Variants in SH3RF3 observed in about 807,000 individuals in gnomAD.
SH3RF3 encodes SH3 domain containing ring finger 3, also known as E3 ubiquitin-protein ligase SH3RF3.
A neutral mutation model predicts 66.3 loss-of-function variants in SH3RF3; 29 were observed. The observed-to-expected ratio is 0.44, with a 90% CI of 0.33 to 0.60. The LOEUF is 0.60. SH3RF3 is among the 20% of genes least tolerant of loss of function. The probability of loss-of-function intolerance (pLI) is 0.04; values close to 1 mark genes in which losing one functional copy is unlikely to be tolerated. For synonymous variants in SH3RF3, 583 were observed against 532.0 expected (o/e 1.10, Z -1.32); for missense variants, 1,194 against 1,190.9 (o/e 1.00, Z -0.04).
chr2:109,503,574 T>A lies in SH3RF3; in HGVS notation c.*1903T>A, dbSNP rs1679451614. 1 of 152,202 alleles carries A rather than the reference T, an allele frequency of 6.6e-6. No homozygotes were observed. Among genetic ancestry groups the A allele is most frequent in the African/African-American group, 2.4e-5 (1 of 41,446 alleles). 9.4% of individuals were successfully genotyped at this position (152,202 alleles called of 1,614,324 possible). ...ACAACCAAAAGCTCTCTATTTACCA[T>A]TATTGCCAAACTTCATCAGTTGCCC... On this transcript the variant is annotated 3_prime_UTR_variant, in exon 10 of 10. Transcript: ENST00000309415.
At chr2:109,152,971 A>G (rs72822644) in intron 1 of SH3RF3, among the ~76,000 whole-genome samples, 2 of 152,302 alleles carry the variant, frequency 1.3e-5, no homozygotes, top group African/African-American at 2.4e-5. Context: ...GTGTGAAGTC[A>G]TTGTTGTTAT....
At chr2:109,372,590 A>G (rs1683297468) in intron 3 of SH3RF3, among the ~76,000 whole-genome samples, 1 of 152,246 alleles carries the variant, frequency 6.6e-6, no homozygotes, top group African/African-American at 2.4e-5. Context: ...AGATGAGCAA[A>G]CAGAGGTGCA....
chr2:109,380,894 C>T (rs1675631272), intron 3 of SH3RF3, among the ~76,000 whole-genome samples: 1 of 152,244 alleles, frequency 6.6e-6, no homozygotes, highest in African/African-American at 2.4e-5. Context: ...CAGCAGGGCA[C>T]GCACTGGTCC....
At chr2:109,255,932 G>A (rs1363326762) in intron 1 of SH3RF3, among the ~76,000 whole-genome samples, 1 of 152,202 alleles carries the variant, frequency 6.6e-6, no homozygotes, top group Admixed American at 6.5e-5. Flanking sequence ...AAAGGAAGGG[G>A]AAGAGGAAGT....
At chr2:109,485,036 G>A (rs1678933246) in intron 8 of SH3RF3, among the ~76,000 whole-genome samples, 1 of 152,224 alleles carries the variant, frequency 6.6e-6, no homozygotes, top group African/African-American at 2.4e-5. Context: ...TAACCCATCA[G>A]CGTGTGCAGC....
intron 4 of SH3RF3, among the ~76,000 whole-genome samples, chr2:109,402,726 G>A (rs371668719): frequency 2.2e-4 from 34 of 152,364 alleles, no homozygotes; most frequent in African/African-American, 7.9e-4. Context: ...ATGGTGAAGT[G>A]TACAAGGCTG....
At chr2:109,470,279 AC>A (rs1466073966) in intron 8 of SH3RF3, among the ~76,000 whole-genome samples, 1 of 152,160 alleles carries the variant, frequency 6.6e-6, no homozygotes. Flanking sequence ...GACCCACAGC[AC>A]CCAGCAGCTC....
In SH3RF3 at chr2:109,490,640, C is replaced by T. The variant is rs1439187495; in HGVS notation, c.2184C>T (p.Ala728=). 10 of 1,492,906 alleles carry T rather than the reference C, an allele frequency of 6.7e-6. No individual in the cohort carries two copies. The highest frequency in any genetic ancestry group is 2.5e-5 in the East Asian group (1 of 39,856). The allele number at this position is 1,492,906 out of a possible 1,614,324, so 92.5% of individuals were successfully genotyped here. A position where few individuals can be genotyped will look rare whatever the true frequency, so the allele number is the denominator to read the frequency against. Residue 728 remains alanine (A), a synonymous_variant, in exon 9 of 10, where the codon GCC becomes GCT. Coordinates refer to ENST00000309415, the MANE Select transcript of SH3RF3 (RefSeq NM_001099289.3). ...EKKSGLLKLL[A]GASTKKKSRS... is the part of the protein sequence containing the mutation. ...AGAGTGGGCTCCTGAAGCTTCTAGC[C>T]GGAGCATCCACCAAGAAGAAGTCAC...
chr2:109,457,876 C>T (rs1678105200), intron 8 of SH3RF3, among the ~76,000 whole-genome samples: 3 of 152,178 alleles, frequency 2.0e-5, no homozygotes, highest in African/African-American at 7.2e-5. Context: ...GTCTGTCCCT[C>T]CCAGAAGGCA....
intron 8 of SH3RF3, among the ~76,000 whole-genome samples, chr2:109,479,299 G>A (rs1488652074): frequency 1.3e-5 from 2 of 152,166 alleles, no homozygotes; most frequent in African/African-American, 2.4e-5. Flanking sequence ...AGTTAGGGGA[G>A]TGCCAAAGGC....
intron 8 of SH3RF3, among the ~76,000 whole-genome samples, chr2:109,484,490 C>T (rs766143683): frequency 6.6e-6 from 1 of 152,192 alleles, no homozygotes; most frequent in Non-Finnish European, 1.5e-5. Context: ...GGCCACATCA[C>T]TCACCAGCCC....
At chr2:109,490,560 G>A (rs149031191) in intron 8 of SH3RF3, 45 bp from the exon 9 acceptor site, 13,664 of 1,362,718 alleles carry the variant, frequency 0.01, 88 homozygotes, top group Non-Finnish European at 0.012. Flanking sequence ...CAAGGGCATT[G>A]GGAAGCATTC....
rs1574471458 is a variant in SH3RF3 at position 109,142,569 on chromosome 2, T to C, written c.573+12456T>C. Among the ~76,000 whole-genome samples, 3 of 152,250 alleles carry C rather than the reference T, an allele frequency of 2.0e-5. No homozygotes were observed. In the East Asian group the frequency reaches 5.8e-4, roughly 30 times the overall value. ...GGGGCACTCTGCTCTCCCCAGTGGCTGAGGGAGGAGGATTCTAGTCCTGTC... is the reference window on the plus strand; with the variant it reads ...GGGGCACTCTGCTCTCCCCAGTGGCCGAGGGAGGAGGATTCTAGTCCTGTC... On this transcript the variant is annotated intron_variant, in intron 1 of 9. Transcript: ENST00000309415.
chr2:109,496,570 C>T (rs1016110268), intron 9 of SH3RF3, among the ~76,000 whole-genome samples: 1 of 152,362 alleles, frequency 6.6e-6, no homozygotes, highest in Admixed American at 6.5e-5. Flanking sequence ...GCCTGGCCGA[C>T]TCCTGCCCCT....
chr2:109,370,400 C>T (rs548993945), intron 2 of SH3RF3, among the ~76,000 whole-genome samples: 92 of 152,074 alleles, frequency 6.0e-4, no homozygotes, highest in African/African-American at 2.1e-3. Context: ...CCACCATGCC[C>T]GGCTTATTTT....
intron 8 of SH3RF3, among the ~76,000 whole-genome samples, chr2:109,450,930 A>G (rs1448888142): frequency 6.6e-6 from 1 of 152,248 alleles, no homozygotes; most frequent in Non-Finnish European, 1.5e-5. Context: ...TGTTCCAGGC[A>G]AGGACAGCCT....
intron 1 of SH3RF3, among the ~76,000 whole-genome samples, chr2:109,227,516 G>T (rs1464820163): frequency 1.3e-5 from 2 of 152,198 alleles, no homozygotes. Flanking sequence ...TGGGTGCTTT[G>T]TGTGGGCTCC....
chr2:109,314,856 G>C (rs896118737), intron 1 of SH3RF3, among the ~76,000 whole-genome samples: 13 of 152,194 alleles, frequency 8.5e-5, no homozygotes, highest in Non-Finnish European at 1.5e-4. Flanking sequence ...CAAAATATTA[G>C]AGGAGACCCT....
chr2:109,190,969 AATAG>A (rs1417486549), intron 1 of SH3RF3, among the ~76,000 whole-genome samples: 1 of 151,384 alleles, frequency 6.6e-6, no homozygotes, highest in African/African-American at 2.4e-5. Context: ...AATTCATTTT[AATAG>A]TTGCGTCAGG....
Sources: gnomAD v4.1 joint callset for allele counts (sites outside exome capture counted in the v4.1 genomes callset) on GRCh38, gnomAD v4.1.1 for gene constraint, MANE v1.5 for transcripts, NCBI Gene and HGNC (gene_info 2026-07-23, HGNC 2026-07-21) for gene names.